The following DOP1A variants were observed in gnomAD, a reference collection of about 807,000 sequenced individuals.
The protein encoded by DOP1A is protein DOP1A.
A neutral mutation model predicts 267.6 loss-of-function variants in DOP1A; 90 were observed. That is an observed-to-expected ratio of 0.34 (90% CI 0.28 to 0.40). DOP1A has a LOEUF of 0.40. Among genes scored for constraint, DOP1A ranks in the 10% least tolerant of loss-of-function variants. DOP1A has a pLI of 1.00. For missense variants in DOP1A, 2,437 were observed against 2,900.4 expected, an observed-to-expected ratio of 0.84 and a Z score of 3.67; for synonymous variants, 932 against 999.1, an observed-to-expected ratio of 0.93 and a Z score of 1.27.
At chr6:83,085,728 G>A (rs939180579) in intron 1 of DOP1A, among the ~76,000 whole-genome samples, 1 of 152,108 alleles carries the variant, frequency 6.6e-6, no homozygotes. Context: ...AGACTAGAAG[G>A]TGACCAGGAC....
rs754280677 is a variant in DOP1A at position 83,138,527 on chromosome 6, A to C, written c.4485A>C (p.Leu1495=). The C allele has an allele frequency of 1.4e-5, 23 of 1,613,562 alleles. No individual in the cohort carries two copies. Among genetic ancestry groups the C allele is most frequent in the Non-Finnish European group, 1.9e-5 (23 of 1,179,934 alleles). The change falls in exon 21 of 39, where the codon CTA becomes CTC. Residue 1495 remains leucine (L), a synonymous_variant. Transcript: ENST00000349129. ...TGATGAGCATAGAAATTCTGACACT[A>C]CTCTTCACTGAGCTGGCAAAAGTAA... ...MQMMSIEILT[L]LFTELAKVIE... is the part of the protein sequence containing the mutation.
chr6:83,139,156 A>T lies in DOP1A; in HGVS notation c.5114A>T (p.Asp1705Val). 1.9e-6 allele frequency: 3 copies of T among 1,608,428 alleles called. No individual in the cohort carries two copies. The highest frequency in any genetic ancestry group is 1.7e-6 in the Non-Finnish European group (2 of 1,175,964). Residue 1705 changes from aspartate (D) to valine (V), a missense_variant, in exon 21 of 39, where the codon GAT becomes GTT. Asp to Val is a radical substitution (Grantham distance 152). This residue lies in a region of DOP1A where 307 missense variants were observed against 308.6 expected (regional missense o/e 0.99). Transcript: ENST00000349129. ...TACAAATACGAAACAGGATTATCTG[A>T]TAGTAGGTAAGAGGTGATTTTTAAC... Reference protein sequence around the residue: ...QQYKYETGLSDSRPLWMASII... With the variant: ...QQYKYETGLSVSRPLWMASII...
At chr6:83,150,470 CAA>C (rs947567876) in intron 27 of DOP1A, among the ~76,000 whole-genome samples, 1 of 152,074 alleles carries the variant, frequency 6.6e-6, no homozygotes, top group South Asian at 2.1e-4. Context: ...AATGTTAAAA[CAA>C]AAAGTTGAAA....
intron 16 of DOP1A, 55 bp from the exon 17 acceptor site, chr6:83,130,064 AGAGT>A (rs1777785909): frequency 1.3e-6 from 2 of 1,560,742 alleles, no homozygotes; most frequent in South Asian, 1.2e-5. Flanking sequence ...AAATTAACTT[AGAGT>A]GTGTGTGAAA....
At position 83,168,281 on chromosome 6, in the gene DOP1A, T is replaced by C; in HGVS notation, c.*114T>C. The C allele has an allele frequency of 2.1e-6, 3 of 1,436,444 alleles. No homozygotes were observed. The highest frequency in any genetic ancestry group is 1.8e-6 in the Non-Finnish European group (2 of 1,101,064). 89.0% of individuals were successfully genotyped at this position (1,436,444 alleles called of 1,614,324 possible). ...TGTATGTAACAGAACACATTTCAGA[T>C]TGTATTTAATTTAAATATTTGTATA... On this transcript the variant is annotated 3_prime_UTR_variant, in exon 39 of 39. Transcript: ENST00000349129.
chr6:83,137,281 C>T lies in DOP1A; in HGVS notation c.3239C>T (p.Ser1080Phe). The change falls in exon 21 of 39, where the codon TCC (serine) becomes TTC (phenylalanine). Residue 1080 changes from serine (S) to phenylalanine (F), a missense_variant. Physicochemically the swap from Ser to Phe is radical, Grantham distance 155 (BLOSUM62 -2). This residue lies in a region of DOP1A where 878 missense variants were observed against 992.9 expected (regional missense o/e 0.88). Transcript: ENST00000349129. Reference protein sequence around the residue: ...LTVNPLSDRLSLLSTSSETIP... With the variant: ...LTVNPLSDRLFLLSTSSETIP... ...GTGAATCCATTAAGTGACAGACTTT[C>T]CCTCCTAAGTACCAGCAGTGAGACA... 6.2e-7 allele frequency: 1 copy of T among 1,613,680 alleles called. No individual in the cohort carries two copies. The highest frequency in any genetic ancestry group is 8.5e-7 in the Non-Finnish European group (1 of 1,179,752).
chr6:83,089,809 C>T (rs1368421830), intron 1 of DOP1A, among the ~76,000 whole-genome samples: 3 of 152,008 alleles, frequency 2.0e-5, no homozygotes, highest in Non-Finnish European at 4.4e-5. Flanking sequence ...TTTGATATAA[C>T]GTTTAAGATG....
In DOP1A at chr6:83,162,931, T is replaced by C. The variant is rs371713936; in HGVS notation, c.7092+12T>C. On this transcript the variant is annotated intron_variant, in intron 38 of 38. Coordinates refer to ENST00000349129, the MANE Select transcript of DOP1A (RefSeq NM_015018.4). ...GGAAAAGAGCAAAGGTATCGCATTC[T>C]TTTGTGATTGTTTTGTTTTACATCA... The C allele has an allele frequency of 1.9e-6, 3 of 1,607,156 alleles. No homozygotes were observed. In the African/African-American group the frequency reaches 4.0e-5, roughly 22 times the overall value.
At chr6:83,120,839 G>A (rs1315047659) in intron 10 of DOP1A, 48 bp downstream of exon 10, 2 of 1,318,078 alleles carry the variant, frequency 1.5e-6, no homozygotes, top group Admixed American at 4.6e-5. Flanking sequence ...GTACTTTTGT[G>A]TTAATAAGAA....
At chr6:83,130,571 C>T (rs1777859150) in intron 17 of DOP1A, among the ~76,000 whole-genome samples, 174 bp downstream of exon 17, 2 of 152,096 alleles carry the variant, frequency 1.3e-5, no homozygotes, top group Admixed American at 1.3e-4. Context: ...ACTGCTCTCC[C>T]CATCTTATTC....
At chr6:83,165,260 A>T (rs1303980208) in intron 38 of DOP1A, 2 of 152,584 alleles carry the variant, frequency 1.3e-5, no homozygotes, top group Non-Finnish European at 2.9e-5. Context: ...GAAAGAAAGA[A>T]AGTTTTATAT....
intron 17 of DOP1A, among the ~76,000 whole-genome samples, chr6:83,130,808 G>A (rs541422065): frequency 1.3e-5 from 2 of 151,358 alleles, no homozygotes; most frequent in East Asian, 3.9e-4. Flanking sequence ...GCATGATCTC[G>A]GCTCACTGCA....
chr6:83,130,832 G>A (rs910731010), intron 17 of DOP1A, among the ~76,000 whole-genome samples: 7 of 151,782 alleles, frequency 4.6e-5, no homozygotes, highest in African/African-American at 1.7e-4. Context: ...TCTGCCTCCT[G>A]GTCTCAAGCA....
chr6:83,098,442 T>C (rs759988980), intron 3 of DOP1A, among the ~76,000 whole-genome samples: 1 of 152,174 alleles, frequency 6.6e-6, no homozygotes, highest in Non-Finnish European at 1.5e-5. Context: ...ATCCCACAGG[T>C]TGAGGGCTGA....
At position 83,147,249 on chromosome 6, in the gene DOP1A, T is replaced by G. The variant is rs1230420292; in HGVS notation, c.5690T>G (p.Leu1897Trp). 6.7e-7 allele frequency: 1 copy of G among 1,485,156 alleles called. No individual in the cohort carries two copies. 92.0% of individuals were successfully genotyped at this position (1,485,156 alleles called of 1,614,324 possible). A position where few individuals can be genotyped will look rare whatever the true frequency, so the allele number is the denominator to read the frequency against. The change falls in exon 26 of 39, where the codon TTG (leucine) becomes TGG (tryptophan). Residue 1897 changes from leucine to tryptophan, a missense_variant. Leu to Trp is a moderately conservative substitution (Grantham distance 61, BLOSUM62 -2). Around this residue, in one of 9 missense-constraint regions of DOP1A, gnomAD observed 307 missense variants for 308.6 expected, o/e 0.99. Coordinates refer to ENST00000349129, the MANE Select transcript of DOP1A (RefSeq NM_015018.4). ...AIAKDKKHLS[L>W]EVCMLQFFYA... is the part of the protein sequence containing the mutation. ...TTTTATTTATAGAAACATCTTTCTT[T>G]GGAAGTCTGCATGCTTCAGTTTTTC...
chr6:83,162,746 C>G (rs966720966), intron 37 of DOP1A, 44 bp from the exon 38 acceptor site: 2 of 1,559,756 alleles, frequency 1.3e-6, no homozygotes, highest in Non-Finnish European at 1.7e-6. Context: ...TTAGATGGCA[C>G]AAAGTCTGTC....
chr6:83,102,275 C>T (rs1392455545), intron 4 of DOP1A, among the ~76,000 whole-genome samples: 4 of 152,214 alleles, frequency 2.6e-5, no homozygotes, highest in African/African-American at 9.7e-5. Flanking sequence ...TCCCCACCCA[C>T]ATTTTCCCAC....
intron 1 of DOP1A, among the ~76,000 whole-genome samples, chr6:83,087,672 G>C (rs1032974505): frequency 6.6e-6 from 1 of 152,182 alleles, no homozygotes; most frequent in African/African-American, 2.4e-5. Flanking sequence ...TTGTAAATGT[G>C]AGTAATAGTG....
chr6:83,109,873 A>T (rs563886419), intron 5 of DOP1A, among the ~76,000 whole-genome samples: 1 of 152,310 alleles, frequency 6.6e-6, no homozygotes, highest in East Asian at 1.9e-4. Context: ...TTCATTTTAC[A>T]GATGAGGAGA....
Sources: allele counts gnomAD v4.1 joint callset (sites outside exome capture counted in the v4.1 genomes callset), GRCh38; gene constraint gnomAD v4.1.1; regional missense constraint gnomAD v4.1.1; transcripts MANE v1.5; gene names NCBI Gene and HGNC (gene_info 2026-07-23, HGNC 2026-07-21).